The following SH3GL2 variants were observed in gnomAD, a reference collection of about 807,000 sequenced individuals.
SH3GL2 encodes endophilin-A1.
In SH3GL2, 24 loss-of-function variants were observed where a neutral mutation model predicts 46.0. That is an observed-to-expected ratio of 0.52 (90% CI 0.38 to 0.73). The LOEUF (loss-of-function observed/expected upper bound fraction) is 0.73, where lower values mean the gene tolerates loss of function less well. SH3GL2 is among the 30% of genes least tolerant of loss of function. SH3GL2 has a pLI of 0.00. For synonymous variants in SH3GL2, 196 were observed against 147.1 expected (o/e 1.33, Z -2.40); for missense variants, 413 against 424.2 (o/e 0.97, Z 0.23).
chr9:17,735,792 A>G, intron 1 of SH3GL2: 1 of 960,006 alleles, frequency 1.0e-6, no homozygotes, highest in Middle Eastern at 5.3e-4. Context: ...ATAATAGGAA[A>G]GAAGGGCTTA....
At chr9:17,671,587 C>G (rs2117965153) in intron 1 of SH3GL2, among the ~76,000 whole-genome samples, 1 of 152,224 alleles carries the variant, frequency 6.6e-6, no homozygotes, top group South Asian at 2.1e-4. Flanking sequence ...ATCAAAACAT[C>G]TCATGTACCC....
chr9:17,675,069 G>T (rs908507210), intron 1 of SH3GL2, among the ~76,000 whole-genome samples: 1 of 152,184 alleles, frequency 6.6e-6, no homozygotes, highest in Non-Finnish European at 1.5e-5. Context: ...TACTAGAACT[G>T]AATTGACGTC....
chr9:17,581,730 C>G (rs951120078), intron 1 of SH3GL2, among the ~76,000 whole-genome samples: 5 of 152,066 alleles, frequency 3.3e-5, no homozygotes, highest in African/African-American at 4.8e-5. Context: ...CAAAGTTTGA[C>G]TCTTGTCGCC....
At chr9:17,748,829 G>T (rs1294435682) in intron 2 of SH3GL2, among the ~76,000 whole-genome samples, 1 of 152,126 alleles carries the variant, frequency 6.6e-6, no homozygotes, top group Admixed American at 6.5e-5. Context: ...CATTGTCAAG[G>T]AGAACCTTCC....
chr9:17,597,780 ACT>A (rs773868490), intron 1 of SH3GL2, among the ~76,000 whole-genome samples: 2 of 150,942 alleles, frequency 1.3e-5, no homozygotes, highest in East Asian at 3.9e-4. Context: ...GGATTTAAAA[ACT>A]CTCTTTGGAG....
At chr9:17,761,380 C>G (rs1823167725) in intron 2 of SH3GL2, 57 bp from the exon 3 acceptor site, 12 of 1,096,228 alleles carry the variant, frequency 1.1e-5, no homozygotes, top group South Asian at 9.9e-5. Flanking sequence ...CAACCAAAAA[C>G]CGGTATTCTA....
At chr9:17,740,936 A>C (rs967489200) in intron 1 of SH3GL2, among the ~76,000 whole-genome samples, 2 of 152,102 alleles carry the variant, frequency 1.3e-5, no homozygotes, top group Non-Finnish European at 2.9e-5. Flanking sequence ...TTTTCACGCA[A>C]CTATTAGGTG....
intron 1 of SH3GL2, among the ~76,000 whole-genome samples, chr9:17,679,063 T>C (rs568668777): frequency 0.015 from 2,265 of 152,164 alleles, 59 homozygotes; most frequent in African/African-American, 0.051. Context: ...AGTCAGGTAG[T>C]GTGATGCCTC....
At chr9:17,631,595 G>T (rs531410723) in intron 1 of SH3GL2, among the ~76,000 whole-genome samples, 33 of 152,296 alleles carry the variant, frequency 2.2e-4, no homozygotes, top group Non-Finnish European at 3.7e-4. Flanking sequence ...CAGCTGGGCT[G>T]TATGACAATG....
chr9:17,686,643 C>T (rs1464320942), intron 1 of SH3GL2, among the ~76,000 whole-genome samples: 2 of 100,012 alleles, frequency 2.0e-5, no homozygotes, highest in African/African-American at 1.0e-4. Context: ...TTTGTAGGGA[C>T]ATGGATGAAA....
At chr9:17,696,143 G>A (rs542452744) in intron 1 of SH3GL2, among the ~76,000 whole-genome samples, 3 of 152,198 alleles carry the variant, frequency 2.0e-5, no homozygotes, top group South Asian at 4.1e-4. Context: ...TCAAAGTGGG[G>A]GCAGCTGGAG....
chr9:17,628,913 G>A (rs1012275484), intron 1 of SH3GL2, among the ~76,000 whole-genome samples: 1 of 151,978 alleles, frequency 6.6e-6, no homozygotes, highest in Admixed American at 6.6e-5. Context: ...CACAGCATGC[G>A]GTGATACATA....
At chr9:17,625,824 G>A (rs754102480) in intron 1 of SH3GL2, among the ~76,000 whole-genome samples, 5 of 152,120 alleles carry the variant, frequency 3.3e-5, no homozygotes, top group African/African-American at 9.7e-5. Flanking sequence ...TGGGGGTATC[G>A]TTTTTCAGTG....
intron 2 of SH3GL2, among the ~76,000 whole-genome samples, chr9:17,752,901 C>G (rs567690139): frequency 6.6e-6 from 1 of 152,256 alleles, no homozygotes; most frequent in South Asian, 2.1e-4. Context: ...TGTTGTTCCC[C>G]TCTGTGCGTT....
chr9:17,705,642 G>A (rs561797810), intron 1 of SH3GL2, among the ~76,000 whole-genome samples: 5 of 152,174 alleles, frequency 3.3e-5, no homozygotes, highest in African/African-American at 9.6e-5. Context: ...ATGAAATCAT[G>A]TCCTTTGCAG....
At chr9:17,756,603 G>A (rs1330186543) in intron 2 of SH3GL2, among the ~76,000 whole-genome samples, 4 of 151,228 alleles carry the variant, frequency 2.6e-5, no homozygotes, top group Non-Finnish European at 5.9e-5. Flanking sequence ...GCAATAGTTT[G>A]CTGAGAATGA....
At chr9:17,591,170 A>T (rs1271029367) in intron 1 of SH3GL2, 1 of 152,228 alleles carries the variant, frequency 6.6e-6, no homozygotes, top group African/African-American at 2.4e-5. Flanking sequence ...ACATAAAAGG[A>T]CGTGTCTTAA....
intron 1 of SH3GL2, among the ~76,000 whole-genome samples, chr9:17,594,618 C>A (rs1215947252): frequency 6.6e-6 from 1 of 151,962 alleles, no homozygotes. Context: ...GCACGTTCTG[C>A]ACATGTATCC....
intron 1 of SH3GL2, among the ~76,000 whole-genome samples, chr9:17,696,145 C>T (rs1380414361): frequency 6.6e-6 from 1 of 152,056 alleles, no homozygotes; most frequent in Non-Finnish European, 1.5e-5. Flanking sequence ...AAAGTGGGGG[C>T]AGCTGGAGGA....
Sources: allele counts gnomAD v4.1 joint callset (sites outside exome capture counted in the v4.1 genomes callset), GRCh38; gene constraint gnomAD v4.1.1; transcripts MANE v1.5; gene names NCBI Gene and HGNC (gene_info 2026-07-23, HGNC 2026-07-21).